Variants in VPS33B observed in about 807,000 individuals in gnomAD.
VPS33B encodes the protein VPS33B late endosome and lysosome associated.
VPS33B carries 80 observed loss-of-function variants against 95.3 expected under a neutral mutation model. The ratio of observed to expected loss-of-function variants is 0.84; its 90% CI spans 0.70 to 1.01. The LOEUF (loss-of-function observed/expected upper bound fraction) is 1.01, where lower values mean the gene tolerates loss of function less well. Among genes scored for constraint, VPS33B ranks in the 50% least tolerant of loss-of-function variants. The pLI is 0.00. For missense variants in VPS33B, 715 were observed against 773.4 expected (o/e 0.92, Z 0.90); for synonymous variants, 280 against 280.4 (o/e 1.00, Z 0.01).
At chr15:91,001,352 A>G (rs1567218974) in intron 19 of VPS33B, 37 bp downstream of exon 19, 2 of 1,484,162 alleles carry the variant, frequency 1.3e-6, no homozygotes, top group Non-Finnish European at 1.9e-6. Flanking sequence ...AATGGAATGA[A>G]CCCACTGTCT....
At position 91,002,053 on chromosome 15, in the gene VPS33B, C is replaced by T; in HGVS notation, c.1402G>A (p.Ala468Thr). ...KVSKLVTDKA[A>T]GKITDAFSSL... is the part of the protein sequence containing the mutation. ...GTCACTTGTGCTCCCTGCTTACCTG[C>T]AGCCTTGTCGGTCACCAGCTTGCTC... is the stretch of plus-strand genomic sequence containing the variant. Residue 468 changes from alanine (A) to threonine (T), a missense_variant, in exon 18 of 23, where the codon GCA (alanine) becomes ACA (threonine). Coordinates refer to ENST00000333371, the MANE Select transcript of VPS33B (RefSeq NM_018668.5). The surrounding 1 kb of genome is among the most constrained non-coding windows in gnomAD (Gnocchi z 4.7). The T allele has an allele frequency of 6.2e-7, 1 of 1,613,930 alleles. No homozygotes were observed. The highest frequency in any genetic ancestry group is 8.5e-7 in the Non-Finnish European group (1 of 1,180,032).
In VPS33B at chr15:91,015,622, C is replaced by A. The variant is rs1177969721; in HGVS notation, c.240-1189G>T. On this transcript the variant is annotated intron_variant, in intron 3 of 22. Coordinates refer to ENST00000333371, the MANE Select transcript of VPS33B (RefSeq NM_018668.5). This position sits in a 1 kb window ranked among gnomAD's most constrained non-coding sequence, Gnocchi z 4.7. ...ACCTGGGAGGCAGATCCCGCCACTGCACTCCAACCTGGGTGACAGAGTTAG... is the reference window on the plus strand; with the variant it reads ...ACCTGGGAGGCAGATCCCGCCACTGAACTCCAACCTGGGTGACAGAGTTAG... Among the ~76,000 whole-genome samples the A allele has an allele frequency of 6.6e-6, 1 of 151,868 alleles. No individual in the cohort carries two copies. The highest frequency in any genetic ancestry group is 2.4e-5 in the African/African-American group (1 of 41,378).
At position 91,006,504 on chromosome 15, in the gene VPS33B, C is replaced by T. The variant is rs2040609012; in HGVS notation, c.779-59G>A. ...CAATGAGGACTTCTCCTACCATTCC[C>T]TGAACTGCCATAAAGGTCCTCAAAC... On this transcript the variant is annotated intron_variant, in intron 10 of 22. Transcript: ENST00000333371. The surrounding 1 kb of genome is among the most constrained non-coding windows in gnomAD (Gnocchi z 5.4). 1.9e-6 allele frequency: 3 copies of T among 1,612,468 alleles called. No homozygotes were observed. Among genetic ancestry groups the T allele is most frequent in the East Asian group, 2.2e-5 (1 of 44,866 alleles).
intron 4 of VPS33B, among the ~76,000 whole-genome samples, 155 bp from the exon 5 acceptor site, chr15:91,014,026 T>C (rs2040852040): frequency 6.6e-6 from 1 of 152,042 alleles, no homozygotes; most frequent in African/African-American, 2.4e-5. Flanking sequence ...GCGACCAGCC[T>C]GGCCAACATG....
In VPS33B at chr15:91,002,246, T is replaced by C. The variant is rs1182536789; in HGVS notation, c.1273-64A>G. On this transcript the variant is annotated intron_variant, in intron 17 of 22. Coordinates refer to ENST00000333371, the MANE Select transcript of VPS33B (RefSeq NM_018668.5). This position sits in a 1 kb window ranked among gnomAD's most constrained non-coding sequence, Gnocchi z 4.7. ...AAGAGCATCTAGTACTGTCAGGTAC[T>C]ACAGAGTTGAGCAGAAGGACTATGA... 3.1e-6 allele frequency: 5 copies of C among 1,602,428 alleles called. No homozygotes were observed. In the African/African-American group the frequency reaches 6.7e-5, roughly 21 times the overall value.
At chr15:91,014,244 A>G in intron 4 of VPS33B, 140 bp downstream of exon 4, 1 of 821,480 alleles carries the variant, frequency 1.2e-6, no homozygotes, top group Non-Finnish European at 2.0e-6. Context: ...AAAAAAAAAG[A>G]AGCGGGGAAG....
intron 3 of VPS33B, 99 bp from the exon 4 acceptor site, chr15:91,014,532 C>A: frequency 7.3e-7 from 1 of 1,362,866 alleles, no homozygotes; most frequent in Non-Finnish European, 1.0e-6. Context: ...TGCCATTTGC[C>A]CTACAGGTCT....
chr15:90,998,747 G>T lies in VPS33B; in HGVS notation c.*228C>A. On this transcript the variant is annotated 3_prime_UTR_variant, in exon 23 of 23. Transcript: ENST00000333371. The surrounding 1 kb of genome is among the most constrained non-coding windows in gnomAD (Gnocchi z 4.8). ...TAGCAAAGGATGCCTCTTCCTGCTC[G>T]CATCTTAGCAGCATGGGTTGTACTT... 1 of 604,232 alleles carries T rather than the reference G, an allele frequency of 1.7e-6. No individual in the cohort carries two copies. The highest frequency in any genetic ancestry group is 3.0e-6 in the Non-Finnish European group (1 of 336,486). The allele number at this position is 604,232 out of a possible 1,614,324, so 37.4% of individuals were successfully genotyped here. A position where few individuals can be genotyped will look rare whatever the true frequency, so the allele number is the denominator to read the frequency against.
rs2289617 is a variant in VPS33B at position 91,022,256 on chromosome 15, G to C, written c.-7C>G. The stretch of plus-strand genomic sequence containing the variant: ...GCCGATGGGGAAAAGCCATGGCAGC[G>C]GTCACCTGCGCCGCGGGGTGGAAGG... On this transcript the variant is annotated 5_prime_UTR_variant, in exon 1 of 23. Coordinates refer to ENST00000333371, the MANE Select transcript of VPS33B (RefSeq NM_018668.5). 6.9e-4 allele frequency: 1,078 copies of C among 1,555,052 alleles called. 15 individuals are homozygous for C. In the East Asian group the frequency reaches 0.024, roughly 35 times the overall value.
In VPS33B at chr15:91,006,973, C is replaced by G. The variant is rs1447171975; in HGVS notation, c.677G>C (p.Gly226Ala). The change falls in exon 9 of 23, where the codon GGA (glycine) becomes GCA (alanine). Residue 226 changes from glycine to alanine, a missense_variant. Gly to Ala is a moderately conservative substitution (Grantham distance 60, BLOSUM62 0). Transcript: ENST00000333371. This position sits in a 1 kb window ranked among gnomAD's most constrained non-coding sequence, Gnocchi z 5.4. ...GETKGRRPEI[G>A]HIFLLDRDVD... ...ACCTCTGTCCAAGAGAAAGATATGTCCAATCTCTGGCCTTCGGCCCTTGGT... is the reference window on the plus strand; with the variant it reads ...ACCTCTGTCCAAGAGAAAGATATGTGCAATCTCTGGCCTTCGGCCCTTGGT... 6.2e-7 allele frequency: 1 copy of G among 1,614,002 alleles called. No individual in the cohort carries two copies. The highest frequency in any genetic ancestry group is 8.5e-7 in the Non-Finnish European group (1 of 1,180,048).
intron 19 of VPS33B, 130 bp downstream of exon 19, chr15:91,001,259 G>A (rs548152828): frequency 2.1e-5 from 14 of 667,964 alleles, no homozygotes; most frequent in Non-Finnish European, 3.4e-5. Flanking sequence ...GCAGTGAGCT[G>A]AGATTGTGCC....
At chr15:91,019,782 T>G (rs1317208435) in intron 1 of VPS33B, among the ~76,000 whole-genome samples, 2 of 151,424 alleles carry the variant, frequency 1.3e-5, no homozygotes, top group East Asian at 3.9e-4. Context: ...AAACATAGAT[T>G]AAGAGATACA....
rs1366570031 is a variant in VPS33B at position 91,017,852 on chromosome 15, C to G, written c.130G>C (p.Asp44His). The change falls in exon 2 of 23, where the codon GAT becomes CAT. Residue 44 changes from aspartate to histidine, a missense_variant. By Grantham distance (81) the Asp-to-His change is moderately conservative. Coordinates refer to ENST00000333371, the MANE Select transcript of VPS33B (RefSeq NM_018668.5). ...ATTCGATCCAAAGGGCTCATGAGAT[C>G]TGCCTCAATGAATAAATCCTTTTTT... is the stretch of plus-strand genomic sequence containing the variant. ...PGKKDLFIEA[D>H]LMSPLDRIAN... 6.2e-7 allele frequency: 1 copy of G among 1,614,118 alleles called. No individual in the cohort carries two copies. The highest frequency in any genetic ancestry group is 8.5e-7 in the Non-Finnish European group (1 of 1,179,992).
At chr15:91,004,695 T>C (rs2040547461) in intron 16 of VPS33B, among the ~76,000 whole-genome samples, 182 bp downstream of exon 16, 2 of 152,146 alleles carry the variant, frequency 1.3e-5, no homozygotes, top group African/African-American at 4.8e-5. Flanking sequence ...CGCTGAGGGC[T>C]AAAGCAATAA....
In VPS33B at chr15:91,002,730, G is replaced by A. The variant is rs895475064; in HGVS notation, c.1272+355C>T. ...TAGAGACCCATGGATGTATGGGAAA[G>A]GCTTCCTGGATGAAGTAAGACTTGA... On this transcript the variant is annotated intron_variant, in intron 17 of 22. Transcript: ENST00000333371. This position sits in a 1 kb window ranked among gnomAD's most constrained non-coding sequence, Gnocchi z 4.7. Among the ~76,000 whole-genome samples the A allele has an allele frequency of 6.6e-5, 10 of 152,154 alleles. No individual in the cohort carries two copies. The South Asian group carries it at 1.7e-3, about 25-fold the overall frequency.
chr15:91,008,901 T>A (rs2040694472), intron 6 of VPS33B, among the ~76,000 whole-genome samples: 1 of 152,094 alleles, frequency 6.6e-6, no homozygotes, highest in African/African-American at 2.4e-5. Flanking sequence ...ACGTTCTGGG[T>A]ACCTGGAAAA....
Position 91,002,878 on chromosome 15 carries a change from C to T in VPS33B, c.1272+207G>A, listed in dbSNP as rs559764599. Among the ~76,000 whole-genome samples, 6 of 152,030 alleles carry T rather than the reference C, an allele frequency of 3.9e-5. No homozygotes were observed. The highest frequency in any genetic ancestry group is 3.9e-4 in the East Asian group (2 of 5,160). The stretch of plus-strand genomic sequence containing the variant: ...TGTTTAATTCTCAGCACTGGCCATG[C>T]GCCGTCAGTGTGTGGGGTGAAACAA... On this transcript the variant is annotated intron_variant, in intron 17 of 22. Transcript: ENST00000333371. The surrounding 1 kb of genome is among the most constrained non-coding windows in gnomAD (Gnocchi z 4.7).
chr15:91,001,708 G>T (rs1452640591), intron 18 of VPS33B, among the ~76,000 whole-genome samples: 1 of 152,136 alleles, frequency 6.6e-6, no homozygotes, highest in African/African-American at 2.4e-5. Context: ...GAGTTTATTG[G>T]TATGTGCTTT....
At chr15:91,021,870 C>T (rs1036492286) in intron 1 of VPS33B, among the ~76,000 whole-genome samples, 3 of 152,194 alleles carry the variant, frequency 2.0e-5, no homozygotes, top group African/African-American at 7.2e-5. Flanking sequence ...GGTAAGATCC[C>T]TAATGGCAAA....
Sources: allele counts gnomAD v4.1 joint callset (sites outside exome capture counted in the v4.1 genomes callset), GRCh38; gene constraint gnomAD v4.1.1; non-coding constraint Gnocchi (gnomAD v3.1); transcripts MANE v1.5; gene names NCBI Gene and HGNC (gene_info 2026-07-23, HGNC 2026-07-21).